Variants in RBMS3 observed in about 807,000 individuals in gnomAD.
The protein encoded by RBMS3 is RNA-binding motif, single-stranded-interacting protein 3.
RBMS3 carries 27 observed loss-of-function variants against 66.8 expected under a neutral mutation model. That is an observed-to-expected ratio of 0.40 (90% CI 0.30 to 0.56). RBMS3 has a LOEUF of 0.56. RBMS3 is among the 20% of genes least tolerant of loss of function. The pLI is 0.40. For missense variants in RBMS3, 513 were observed against 549.5 expected (o/e 0.93, Z 0.66); for synonymous variants, 188 against 183.0 (o/e 1.03, Z -0.22).
At chr3:29,802,059 G>A (rs541509683) in intron 6 of RBMS3, among the ~76,000 whole-genome samples, 4 of 152,126 alleles carry the variant, frequency 2.6e-5, no homozygotes, top group African/African-American at 7.2e-5. Context: ...TATGTATTTT[G>A]GATATTTCAC....
At chr3:29,656,771 T>G (rs1040714949) in intron 4 of RBMS3, among the ~76,000 whole-genome samples, 3 of 152,110 alleles carry the variant, frequency 2.0e-5, no homozygotes, top group Non-Finnish European at 2.9e-5. Flanking sequence ...TCTAATCAAA[T>G]TGTCTTTTTA....
At chr3:29,433,395 G>A (rs1415510795) in intron 1 of RBMS3, among the ~76,000 whole-genome samples, 1 of 151,992 alleles carries the variant, frequency 6.6e-6, no homozygotes, top group African/African-American at 2.4e-5. Flanking sequence ...GTAGCATTTG[G>A]GGTCACAACT....
chr3:29,532,539 C>T (rs2045406036), intron 3 of RBMS3, among the ~76,000 whole-genome samples: 2 of 151,800 alleles, frequency 1.3e-5, no homozygotes, highest in South Asian at 4.1e-4. Flanking sequence ...GCCTGCAAAA[C>T]ATAGTAAGAC....
intron 10 of RBMS3, among the ~76,000 whole-genome samples, chr3:29,933,119 A>G (rs969037457): frequency 3.3e-5 from 5 of 152,172 alleles, no homozygotes; most frequent in Non-Finnish European, 7.4e-5. Flanking sequence ...ACTCTGTCAG[A>G]CACCACATCC....
intron 1 of RBMS3, among the ~76,000 whole-genome samples, chr3:29,351,401 C>T (rs1194996806): frequency 6.6e-6 from 1 of 152,094 alleles, no homozygotes; most frequent in Non-Finnish European, 1.5e-5. Flanking sequence ...TCTGTGTTTC[C>T]TCATAATTGC....
intron 4 of RBMS3, among the ~76,000 whole-genome samples, chr3:29,621,721 A>G (rs2048870557): frequency 1.3e-5 from 2 of 152,174 alleles, no homozygotes; most frequent in African/African-American, 4.8e-5. Context: ...CAAGCATGCT[A>G]CTTTGTTGTG....
At chr3:29,747,394 A>G (rs200482602) in intron 5 of RBMS3, among the ~76,000 whole-genome samples, 1,123 of 9,570 alleles carry the variant, frequency 0.12, 7 homozygotes, top group Middle Eastern at 0.45. Context: ...AGGTAGGTAG[A>G]TAGATAGATA....
At chr3:29,816,208 A>G (rs1431836404) in intron 6 of RBMS3, among the ~76,000 whole-genome samples, 3 of 151,904 alleles carry the variant, frequency 2.0e-5, no homozygotes, top group African/African-American at 7.3e-5. Context: ...CAGTTAACAG[A>G]CAAAGGAAGA....
At chr3:29,476,916 A>G (rs1161549355) in intron 2 of RBMS3, among the ~76,000 whole-genome samples, 2 of 152,188 alleles carry the variant, frequency 1.3e-5, no homozygotes, top group Non-Finnish European at 2.9e-5. Flanking sequence ...AAGATTCTAC[A>G]GACATCTCAA....
chr3:29,740,689 T>A (rs9990293), intron 5 of RBMS3, among the ~76,000 whole-genome samples: 3,979 of 152,292 alleles, frequency 0.026, 162 homozygotes, highest in African/African-American at 0.09. Flanking sequence ...AGCTGATTTA[T>A]CATGGATGAA....
chr3:29,991,035 C>T, intron 13 of RBMS3, 47 bp from the exon 14 acceptor site: 1 of 1,591,610 alleles, frequency 6.3e-7, no homozygotes. Context: ...AGAGAGGGCC[C>T]TTCACTGAAG....
Position 29,469,136 on chromosome 3 carries a change from C to T in RBMS3, c.249-19305C>T, listed in dbSNP as rs187080272. ...TTGAAATGCCTAATTTAGATTTGTC[C>T]ATCAAGTTTCATTAATGCATTATTT... On this transcript the variant is annotated intron_variant, in intron 2 of 14. Transcript: ENST00000383767. 2.0e-5 allele frequency among the ~76,000 whole-genome samples: 3 copies of T among 152,176 alleles called. No homozygotes were observed. In the East Asian group the frequency reaches 5.8e-4, roughly 29 times the overall value.
intron 2 of RBMS3, among the ~76,000 whole-genome samples, chr3:29,463,974 C>T (rs2042457014): frequency 6.6e-6 from 1 of 152,136 alleles, no homozygotes; most frequent in South Asian, 2.1e-4. Flanking sequence ...CCACCTAAGC[C>T]TGTCAAATAC....
chr3:29,519,150 T>G (rs1181329140), intron 3 of RBMS3, among the ~76,000 whole-genome samples: 1 of 152,214 alleles, frequency 6.6e-6, no homozygotes, highest in Non-Finnish European at 1.5e-5. Flanking sequence ...GAAAGCAATT[T>G]GTCCATGTTT....
intron 1 of RBMS3, among the ~76,000 whole-genome samples, chr3:29,409,804 T>A (rs1210883446): frequency 6.6e-6 from 1 of 152,190 alleles, no homozygotes; most frequent in African/African-American, 2.4e-5. Context: ...GGCAGATAAT[T>A]TATGTGGTCA....
At chr3:29,551,490 T>C (rs1023778003) in intron 3 of RBMS3, among the ~76,000 whole-genome samples, 71 of 152,260 alleles carry the variant, frequency 4.7e-4, no homozygotes, top group African/African-American at 1.6e-3. Flanking sequence ...TTCTTGGAAG[T>C]TTTGGGTAAA....
chr3:29,295,364 C>T lies in RBMS3; in HGVS notation c.75+13608C>T, dbSNP rs557917675. Among the ~76,000 whole-genome samples the T allele has an allele frequency of 9.5e-4, 124 of 130,562 alleles. 3 individuals carry two copies. The highest frequency in any genetic ancestry group is 5.9e-3 in the South Asian group (24 of 4,038). The allele number at this position is 130,562 out of a possible 152,430, so 85.7% of individuals were successfully genotyped here. The stretch of plus-strand genomic sequence containing the variant: ...ATATATACATATATATATACACACA[C>T]ATATATATATATACACATATATATA... On this transcript the variant is annotated intron_variant, in intron 1 of 14. Coordinates refer to ENST00000383767, the MANE Select transcript of RBMS3 (RefSeq NM_001003793.3).
chr3:29,393,486 GA>G (rs1417824215), intron 1 of RBMS3, among the ~76,000 whole-genome samples: 15 of 152,172 alleles, frequency 9.9e-5, no homozygotes, highest in African/African-American at 3.6e-4. Context: ...ATCAGAAGGA[GA>G]AAATGAGGAC....
At position 29,416,882 on chromosome 3, in the gene RBMS3, C is replaced by T. The variant is rs1007971511; in HGVS notation, c.76-17861C>T. On this transcript the variant is annotated intron_variant, in intron 1 of 14. Coordinates refer to ENST00000383767, the MANE Select transcript of RBMS3 (RefSeq NM_001003793.3). ...CATTGTTATGCCCAAATTTACTATC[C>T]TAACCTTCCTACCATTCTTACCTTA... Among the ~76,000 whole-genome samples the T allele has an allele frequency of 9.2e-5, 14 of 152,250 alleles. No homozygotes were observed. In the South Asian group the frequency reaches 1.0e-3, roughly 11 times the overall value.
Sources: allele counts gnomAD v4.1 joint callset (sites outside exome capture counted in the v4.1 genomes callset), GRCh38; gene constraint gnomAD v4.1.1; transcripts MANE v1.5; gene names NCBI Gene and HGNC (gene_info 2026-07-23, HGNC 2026-07-21).